AGMO: variants seen among roughly 807,000 people sequenced by gnomAD.
The protein encoded by AGMO is alkylglycerol monooxygenase.
Under a neutral mutation model 60.2 loss-of-function variants are expected in AGMO, and 75 were observed. The ratio of observed to expected loss-of-function variants is 1.25; its 90% CI spans 1.03 to 1.51. AGMO has a LOEUF of 1.51. AGMO is among the 40% of genes most tolerant of loss of function. The pLI is 0.00. For missense variants in AGMO, 763 were observed against 525.5 expected, an observed-to-expected ratio of 1.45 and a Z score of -4.42; for synonymous variants, 261 against 177.1, an observed-to-expected ratio of 1.47 and a Z score of -3.76.
chr7:15,554,733 T>C (rs1406383690), intron 2 of AGMO, among the ~76,000 whole-genome samples: 1 of 152,076 alleles, frequency 6.6e-6, no homozygotes, highest in Non-Finnish European at 1.5e-5. Flanking sequence ...CAAAATAAAA[T>C]TCAGTTTTAA....
intron 3 of AGMO, among the ~76,000 whole-genome samples, chr7:15,479,660 A>G (rs1220218009): frequency 1.3e-5 from 2 of 152,180 alleles, no homozygotes; most frequent in Non-Finnish European, 2.9e-5. Context: ...TCTCTTAAAT[A>G]AAAATTGACC....
chr7:15,280,762 T>C (rs984794825), intron 12 of AGMO, among the ~76,000 whole-genome samples: 2 of 152,168 alleles, frequency 1.3e-5, no homozygotes, highest in Admixed American at 6.5e-5. Context: ...GCCATCACCA[T>C]TGCCTACAGG....
intron 12 of AGMO, among the ~76,000 whole-genome samples, chr7:15,275,759 T>C (rs1165603122): frequency 6.6e-6 from 1 of 152,228 alleles, no homozygotes; most frequent in East Asian, 1.9e-4. Context: ...GATATCTTTT[T>C]GTGCTATTGA....
chr7:15,561,094 G>A (rs1394971186), intron 1 of AGMO, among the ~76,000 whole-genome samples: 1 of 152,060 alleles, frequency 6.6e-6, no homozygotes, highest in Non-Finnish European at 1.5e-5. Context: ...TTTCTGCCAT[G>A]AACTAGTGAG....
chr7:15,400,071 T>G (rs1278560892), intron 5 of AGMO, among the ~76,000 whole-genome samples: 1 of 152,204 alleles, frequency 6.6e-6, no homozygotes, highest in Non-Finnish European at 1.5e-5. Context: ...TAGTTACTTG[T>G]TTTCATTTCT....
intron 10 of AGMO, among the ~76,000 whole-genome samples, chr7:15,368,956 A>C (rs1783094381): frequency 6.6e-6 from 1 of 152,140 alleles, no homozygotes; most frequent in Admixed American, 6.6e-5. Context: ...TGGCATGACT[A>C]AAACACTGCC....
At chr7:15,394,849 G>C (rs574447285) in intron 5 of AGMO, among the ~76,000 whole-genome samples, 6 of 152,276 alleles carry the variant, frequency 3.9e-5, no homozygotes, top group Non-Finnish European at 8.8e-5. Flanking sequence ...TTACATCTTA[G>C]AGGCACAATT....
intron 12 of AGMO, among the ~76,000 whole-genome samples, chr7:15,274,923 T>C (rs957642046): frequency 1.2e-4 from 18 of 151,996 alleles, no homozygotes; most frequent in African/African-American, 3.4e-4. Context: ...CTGATTATAC[T>C]TGAATCTTCT....
At chr7:15,316,747 A>C (rs1583399062) in intron 12 of AGMO, among the ~76,000 whole-genome samples, 1 of 152,320 alleles carries the variant, frequency 6.6e-6, no homozygotes, top group Non-Finnish European at 1.5e-5. Context: ...GTTTAGCGAA[A>C]AATCCAAGAA....
At chr7:15,371,191 ATAATT>A (rs1227420748) in intron 10 of AGMO, among the ~76,000 whole-genome samples, 5 of 152,102 alleles carry the variant, frequency 3.3e-5, no homozygotes, top group African/African-American at 9.7e-5. Flanking sequence ...CAATTAATCA[ATAATT>A]TAATATTAAA....
At chr7:15,394,245 C>T in intron 5 of AGMO, 66 bp from the exon 6 acceptor site, 3 of 1,176,190 alleles carry the variant, frequency 2.6e-6, no homozygotes, top group Admixed American at 1.9e-5. Context: ...TATATAAATG[C>T]TCACATTAGA....
chr7:15,198,211 GA>G (rs1563030358), downstream of AGMO, among the ~76,000 whole-genome samples: 4 of 88,268 alleles, frequency 4.5e-5, no homozygotes, highest in Non-Finnish European at 8.4e-5. Context: ...GAGAGAGAGA[GA>G]GAGAGAGAGA....
intron 12 of AGMO, among the ~76,000 whole-genome samples, chr7:15,216,653 C>G (rs112658773): frequency 7.5e-4 from 114 of 152,154 alleles, no homozygotes; most frequent in African/African-American, 2.6e-3. Context: ...CAATTGCATA[C>G]TGAATTCAAG....
intron 2 of AGMO, among the ~76,000 whole-genome samples, chr7:15,550,780 C>G (rs1369876436): frequency 7.2e-6 from 1 of 139,244 alleles, no homozygotes; most frequent in African/African-American, 2.7e-5. Context: ...CTATTCCAAT[C>G]AATAGAAAAA....
chr7:15,397,755 A>C (rs539161078), intron 5 of AGMO, among the ~76,000 whole-genome samples: 28 of 152,354 alleles, frequency 1.8e-4, no homozygotes, highest in African/African-American at 6.7e-4. Flanking sequence ...GCTCATTTAT[A>C]CACCAAAGAT....
At chr7:15,238,265 A>T (rs1028157704) in intron 12 of AGMO, among the ~76,000 whole-genome samples, 3 of 152,036 alleles carry the variant, frequency 2.0e-5, no homozygotes, top group Non-Finnish European at 4.4e-5. Flanking sequence ...AGAAAATAAT[A>T]TTTCCAATTA....
At chr7:15,249,290 G>A (rs542877054) in intron 12 of AGMO, among the ~76,000 whole-genome samples, 1 of 145,570 alleles carries the variant, frequency 6.9e-6, no homozygotes, top group South Asian at 2.1e-4. Context: ...GTTTAGGAGT[G>A]AAGAAGTAGC....
At chr7:15,136,724 C>T in the AGMO span, among the ~76,000 whole-genome samples, 660 of 151,814 alleles carry the variant, frequency 4.3e-3, 4 homozygotes, top group African/African-American at 0.015. Flanking sequence ...CCTAATAGGA[C>T]CGCCTTTATT....
At position 15,211,858 on chromosome 7, in the gene AGMO, T is replaced by C. The variant is rs141955064; in HGVS notation, c.1264-10499A>G. On this transcript the variant is annotated intron_variant, in intron 12 of 12. Coordinates refer to ENST00000342526, the MANE Select transcript of AGMO (RefSeq NM_001004320.2). ...AAAACAATTTTTTAGTTATAGTGTT[T>C]CTTGAAGTATTTTTTGACAAACATA... is the stretch of plus-strand genomic sequence containing the variant. Among the ~76,000 whole-genome samples, 1,032 of 152,158 alleles carry C rather than the reference T, an allele frequency of 6.8e-3. 7 individuals are homozygous for C. The highest frequency in any genetic ancestry group is 0.023 in the African/African-American group (956 of 41,548).
Sources: allele counts gnomAD v4.1 joint callset (sites outside exome capture counted in the v4.1 genomes callset), GRCh38; gene constraint gnomAD v4.1.1; transcripts MANE v1.5; gene names NCBI Gene and HGNC (gene_info 2026-07-23, HGNC 2026-07-21).